The following CACNA1C variants were observed in gnomAD, a reference collection of about 807,000 sequenced individuals.
CACNA1C encodes the protein voltage-dependent L-type calcium channel subunit alpha-1C.
Under a neutral mutation model 229.0 loss-of-function variants are expected in CACNA1C, and 30 were observed. That is an observed-to-expected ratio of 0.13 (90% confidence interval 0.10 to 0.18). The LOEUF (loss-of-function observed/expected upper bound fraction) is 0.18. Among genes scored for constraint, CACNA1C ranks in the 10% least tolerant of loss-of-function variants. The pLI is 1.00. For missense variants in CACNA1C, 1,658 were observed against 2,845.0 expected, an observed-to-expected ratio of 0.58 and a Z score of 9.49; for synonymous variants, 1,114 against 1,132.5, an observed-to-expected ratio of 0.98 and a Z score of 0.33.
At chr12:2,251,253 T>A (rs1395256975) in intron 3 of CACNA1C, among the ~76,000 whole-genome samples, 3 of 152,142 alleles carry the variant, frequency 2.0e-5, no homozygotes, top group Non-Finnish European at 4.4e-5. Context: ...GAAGCTGAGT[T>A]GCTGCTGGAC....
chr12:2,681,741 G>A lies in CACNA1C; in HGVS notation c.5445-809G>A, dbSNP rs145945539. Among the ~76,000 whole-genome samples, 10 of 152,292 alleles carry A rather than the reference G, an allele frequency of 6.6e-5. No individual in the cohort carries two copies. In the East Asian group the frequency reaches 1.9e-3, roughly 29 times the overall value. ...GAATTGCTTCTACCCTGCCTGGGAT[G>A]CTCAGAGCCAGGGCACTGATTTAGC... On this transcript the variant is annotated intron_variant, in intron 42 of 46. Coordinates refer to ENST00000399655, the MANE Select transcript of CACNA1C (RefSeq NM_000719.7).
At chr12:2,407,328 G>A (rs892344491) in intron 3 of CACNA1C, among the ~76,000 whole-genome samples, 1 of 145,866 alleles carries the variant, frequency 6.9e-6, no homozygotes, top group Admixed American at 6.9e-5. Context: ...ACGTCCTTTT[G>A]ATAATAGCCG....
intron 42 of CACNA1C, chr12:2,682,061 C>T: frequency 6.6e-7 from 1 of 1,507,634 alleles, no homozygotes; most frequent in Non-Finnish European, 9.2e-7. Context: ...CTAGGTGAGG[C>T]TTCCTCTCTG....
At chr12:2,050,472 T>C (rs1385039753), upstream of CACNA1C, among the ~76,000 whole-genome samples, 1 of 152,236 alleles carries the variant, frequency 6.6e-6, no homozygotes, top group Middle Eastern at 3.2e-3. Flanking sequence ...GTGTTAGCTA[T>C]TATTATTATT....
intron 3 of CACNA1C, among the ~76,000 whole-genome samples, chr12:2,424,337 C>T (rs977961533): frequency 1.3e-5 from 2 of 151,720 alleles, no homozygotes; most frequent in African/African-American, 4.9e-5. Flanking sequence ...AAAAAGCAAG[C>T]GGGGAGAGGA....
At chr12:2,090,013 T>A (rs1428904751) in intron 1 of CACNA1C, among the ~76,000 whole-genome samples, 2 of 151,998 alleles carry the variant, frequency 1.3e-5, no homozygotes, top group African/African-American at 4.8e-5. Context: ...TGGGTGACAG[T>A]GTGAGACTCC....
At chr12:2,196,473 T>C (rs1038055600) in intron 3 of CACNA1C, among the ~76,000 whole-genome samples, 1 of 152,274 alleles carries the variant, frequency 6.6e-6, no homozygotes, top group African/African-American at 2.4e-5. Context: ...TTTGAACTGC[T>C]CTTTTATTTA....
chr12:2,486,114 G>A lies in CACNA1C; in HGVS notation c.768G>A (p.Val256=), dbSNP rs1277266064. The A allele has an allele frequency of 2.5e-6, 4 of 1,606,486 alleles. No individual in the cohort carries two copies. Among genetic ancestry groups the A allele is most frequent in the South Asian group, 1.1e-5 (1 of 89,480 alleles). ...GCTCTGTCCCCGCAGGTCTCCAGGT[G>A]GTCCTGAATTCCATCATCAAGGCCA... ...RLVSGVPSLQ[V]VLNSIIKAMV... is the part of the protein sequence containing the mutation. Residue 256 remains valine, a synonymous_variant, in exon 6 of 47, where the codon GTG becomes GTA. Coordinates refer to ENST00000399655, the MANE Select transcript of CACNA1C (RefSeq NM_000719.7). This position sits in a 1 kb window ranked among gnomAD's most constrained non-coding sequence, Gnocchi z 4.9.
intron 3 of CACNA1C, among the ~76,000 whole-genome samples, chr12:2,326,334 T>G (rs1592895706): frequency 6.6e-6 from 1 of 152,202 alleles, no homozygotes; most frequent in Non-Finnish European, 1.5e-5. Flanking sequence ...TTTGAAAACT[T>G]AATGCAAATC....
At chr12:2,616,895 T>TA (rs1025134887) in intron 29 of CACNA1C, among the ~76,000 whole-genome samples, 14 of 152,260 alleles carry the variant, frequency 9.2e-5, no homozygotes, top group African/African-American at 3.1e-4. Flanking sequence ...CACGCTGGTC[T>TA]CTGCTGGGCC....
intron 3 of CACNA1C, among the ~76,000 whole-genome samples, chr12:2,189,573 C>G (rs530868091): frequency 6.6e-6 from 1 of 152,302 alleles, no homozygotes; most frequent in East Asian, 1.9e-4. Context: ...GGGCCAGGTC[C>G]AGCTTCCAAA....
chr12:2,045,660 G>C (rs1388753885), intron 1 of CACNA1C, among the ~76,000 whole-genome samples: 1 of 152,142 alleles, frequency 6.6e-6, no homozygotes, highest in Non-Finnish European at 1.5e-5. Flanking sequence ...CTCAGTGAGA[G>C]AAAGAGGTTG....
intron 29 of CACNA1C, chr12:2,613,808 CAGCTGAGGCCAGGAGTG>C (rs2079067974): frequency 6.6e-6 from 1 of 152,668 alleles, no homozygotes; most frequent in South Asian, 2.1e-4. Context: ...GCAGCATGAC[CAGCTGAGGCCAGGAGTG>C]CAGTCACTGC....
chr12:2,177,629 T>TCC (rs2096705895), intron 3 of CACNA1C, among the ~76,000 whole-genome samples: 1 of 97,582 alleles, frequency 1.0e-5, no homozygotes, highest in Non-Finnish European at 2.1e-5. Context: ...TCCTTCCTTC[T>TCC]CTCTCTCTTT....
In CACNA1C at chr12:2,630,384, G is replaced by A. The variant is rs563160979; in HGVS notation, c.3829-3913G>A. On this transcript the variant is annotated intron_variant, in intron 29 of 46. Coordinates refer to ENST00000399655, the MANE Select transcript of CACNA1C (RefSeq NM_000719.7). This position sits in a 1 kb window ranked among gnomAD's most constrained non-coding sequence, Gnocchi z 5.4. The stretch of plus-strand genomic sequence containing the variant: ...GACAGCATCAAGCCCTTCCACTCCC[G>A]AGAGTGTTGGGAAAAGTATTCCTCC... 2.0e-5 allele frequency among the ~76,000 whole-genome samples: 3 copies of A among 152,102 alleles called. No individual in the cohort carries two copies. The highest frequency in any genetic ancestry group is 4.4e-5 in the Non-Finnish European group (3 of 68,028).
At chr12:2,130,283 T>G (rs935874717) in intron 3 of CACNA1C, among the ~76,000 whole-genome samples, 2 of 147,770 alleles carry the variant, frequency 1.4e-5, no homozygotes, top group Non-Finnish European at 3.0e-5. Flanking sequence ...CAAATACATT[T>G]AAATATCTCT....
In CACNA1C at chr12:2,067,495, T is replaced by C. The variant is rs937371897; in HGVS notation, c.49+13884T>C. ...GTGTGTGTGTGTGCGCGCGTGTGCGTGCCTGTATGTAAGGGCAGGCACATG... is the reference window on the plus strand; with the variant it reads ...GTGTGTGTGTGTGCGCGCGTGTGCGCGCCTGTATGTAAGGGCAGGCACATG... On this transcript the variant is annotated intron_variant, in intron 1 of 46. Transcript: ENST00000399655. The surrounding 1 kb of genome is among the most constrained non-coding windows in gnomAD (Gnocchi z 5.3). 5.6e-5 allele frequency among the ~76,000 whole-genome samples: 6 copies of C among 106,672 alleles called. No individual in the cohort carries two copies. The highest frequency in any genetic ancestry group is 8.9e-5 in the Admixed American group (1 of 11,260). 70.0% of individuals were successfully genotyped at this position (106,672 alleles called of 152,430 possible).
At chr12:2,593,378 GCT>G in intron 19 of CACNA1C, 33 bp downstream of exon 19, 1 of 1,611,044 alleles carries the variant, frequency 6.2e-7, no homozygotes, top group Non-Finnish European at 8.5e-7. Context: ...GTGGGGTCCT[GCT>G]CTCTCTAGTA....
intron 3 of CACNA1C, among the ~76,000 whole-genome samples, chr12:2,335,838 G>A (rs1038929651): frequency 1.3e-5 from 2 of 151,988 alleles, no homozygotes; most frequent in African/African-American, 4.8e-5. Flanking sequence ...TGTGACTTTT[G>A]CCCAGAATTG....
Sources: gnomAD v4.1 joint callset for allele counts (sites outside exome capture counted in the v4.1 genomes callset) on GRCh38, gnomAD v4.1.1 for gene constraint, Gnocchi (gnomAD v3.1) non-coding constraint, MANE v1.5 for transcripts, NCBI Gene and HGNC (gene_info 2026-07-23, HGNC 2026-07-21) for gene names.